The following PDE10A variants were observed in gnomAD, a reference collection of about 807,000 sequenced individuals.
PDE10A encodes phosphodiesterase 10A, also known as cAMP and cAMP-inhibited cGMP 3',5'-cyclic phosphodiesterase 10A.
In PDE10A, 39 loss-of-function variants were observed where a neutral mutation model predicts 97.7. The ratio of observed to expected loss-of-function variants is 0.40; its 90% confidence interval spans 0.31 to 0.52. PDE10A has a LOEUF of 0.52. Ranked by LOEUF, PDE10A falls within the 20% of genes least tolerant of loss-of-function variation. The probability of loss-of-function intolerance (pLI) is 0.56; values close to 1 mark genes in which losing one functional copy is unlikely to be tolerated. For missense variants in PDE10A, 731 were observed against 1,047.8 expected (o/e 0.70, Z 4.17); for synonymous variants, 371 against 376.8 (o/e 0.98, Z 0.18).
At chr6:165,643,013 T>TG (rs1188541019) in intron 1 of PDE10A, among the ~76,000 whole-genome samples, 2 of 152,220 alleles carry the variant, frequency 1.3e-5, no homozygotes, top group Non-Finnish European at 2.9e-5. Context: ...ACAACCTTCC[T>TG]GGAAAGCCAT....
At chr6:165,707,260 G>T (rs1299487489) in intron 1 of PDE10A, among the ~76,000 whole-genome samples, 1 of 152,192 alleles carries the variant, frequency 6.6e-6, no homozygotes, top group African/African-American at 2.4e-5. Context: ...GGTCCCCAGG[G>T]GATGGGTGGC....
intron 1 of PDE10A, among the ~76,000 whole-genome samples, chr6:165,550,362 T>A (rs755840911): frequency 2.0e-5 from 3 of 152,220 alleles, no homozygotes; most frequent in African/African-American, 2.4e-5. Context: ...CTTCTGTGTT[T>A]AGCCCAGATA....
At chr6:165,424,181 T>C (rs987210326) in intron 10 of PDE10A, among the ~76,000 whole-genome samples, 1 of 152,122 alleles carries the variant, frequency 6.6e-6, no homozygotes, top group African/African-American at 2.4e-5. Context: ...CAGGAAAGCT[T>C]GCCACAGCCT....
At chr6:165,843,065 C>T (rs557472639) in intron 1 of PDE10A, among the ~76,000 whole-genome samples, 2 of 152,336 alleles carry the variant, frequency 1.3e-5, no homozygotes, top group African/African-American at 2.4e-5. Context: ...TGTGAGGCCC[C>T]GCTGTGCTCA....
chr6:165,353,658 C>G (rs1782841662), intron 18 of PDE10A, among the ~76,000 whole-genome samples: 1 of 152,148 alleles, frequency 6.6e-6, no homozygotes, highest in Non-Finnish European at 1.5e-5. Flanking sequence ...ATGATTCCAA[C>G]TATATGACAT....
At chr6:165,635,472 A>AGT (rs60572651) in intron 1 of PDE10A, among the ~76,000 whole-genome samples, 35,151 of 150,998 alleles carry the variant, frequency 0.23, 5,095 homozygotes, top group East Asian at 0.38. Context: ...GTGGGGTGTG[A>AGT]GTGTGTGTGT....
chr6:165,363,340 C>T (rs921853688), intron 18 of PDE10A, among the ~76,000 whole-genome samples: 4 of 148,640 alleles, frequency 2.7e-5, no homozygotes, highest in Non-Finnish European at 6.1e-5. Flanking sequence ...GATGGTGAAA[C>T]CCCGTCTCTA....
intron 1 of PDE10A, among the ~76,000 whole-genome samples, chr6:165,725,388 G>T (rs4709976): frequency 0.04 from 6,147 of 152,242 alleles, 308 homozygotes; most frequent in East Asian, 0.22. Flanking sequence ...AACCCTAGAG[G>T]GTGCCATGGG....
At chr6:165,560,179 T>A (rs1784451216) in intron 1 of PDE10A, among the ~76,000 whole-genome samples, 1 of 152,094 alleles carries the variant, frequency 6.6e-6, no homozygotes, top group Non-Finnish European at 1.5e-5. Flanking sequence ...AGAGCAGATA[T>A]TTTTTTTCTG....
At chr6:165,673,989 A>T (rs1463911676) in intron 1 of PDE10A, among the ~76,000 whole-genome samples, 5 of 42,418 alleles carry the variant, frequency 1.2e-4, no homozygotes. Context: ...AAAATTTTTT[A>T]AAGTGTTTCC....
intron 1 of PDE10A, among the ~76,000 whole-genome samples, chr6:165,886,322 T>TG (rs1781632275): frequency 6.7e-6 from 1 of 150,118 alleles, no homozygotes; most frequent in African/African-American, 2.5e-5. Context: ...CCTGGAATAC[T>TG]GGAGCCCTGG....
At chr6:165,467,328 C>T (rs140969385) in intron 3 of PDE10A, among the ~76,000 whole-genome samples, 169 of 152,246 alleles carry the variant, frequency 1.1e-3, no homozygotes, top group African/African-American at 3.5e-3. Flanking sequence ...TCAAAGCAGA[C>T]GAAACATTCT....
chr6:165,775,291 A>G (rs11754057), intron 1 of PDE10A: 59,349 of 152,110 alleles, frequency 0.39, 11,696 homozygotes, highest in Admixed American at 0.46. Flanking sequence ...ATTGTGGAGC[A>G]GATGCCAGGT....
At chr6:165,471,955 T>C (rs1053864401) in intron 3 of PDE10A, among the ~76,000 whole-genome samples, 6 of 152,132 alleles carry the variant, frequency 3.9e-5, no homozygotes, top group African/African-American at 1.4e-4. Context: ...TTCTCTTTTG[T>C]TTAATACACT....
At chr6:165,624,062 A>G (rs1335831021) in intron 1 of PDE10A, among the ~76,000 whole-genome samples, 1 of 152,230 alleles carries the variant, frequency 6.6e-6, no homozygotes, top group African/African-American at 2.4e-5. Context: ...TCTGTCATTC[A>G]TTCAGTCTGG....
At chr6:165,377,083 G>T (rs1464651905) in intron 18 of PDE10A, among the ~76,000 whole-genome samples, 1 of 152,050 alleles carries the variant, frequency 6.6e-6, no homozygotes, top group African/African-American at 2.4e-5. Context: ...AAGCAACAAA[G>T]CATTTTTAAA....
chr6:165,507,897 A>G (rs1051122323), intron 2 of PDE10A, among the ~76,000 whole-genome samples: 1 of 152,102 alleles, frequency 6.6e-6, no homozygotes, highest in Non-Finnish European at 1.5e-5. Context: ...TGTTTTCTTA[A>G]GACTTCAAAT....
intron 20 of PDE10A, among the ~76,000 whole-genome samples, chr6:165,339,042 A>G (rs1039459548): frequency 6.6e-5 from 10 of 152,230 alleles, no homozygotes; most frequent in Admixed American, 3.9e-4. Flanking sequence ...TGAGTGTCTT[A>G]GCAAGTGAAG....
At chr6:165,428,541 C>A in intron 10 of PDE10A, 117 bp downstream of exon 10, 2 of 604,516 alleles carry the variant, frequency 3.3e-6, no homozygotes, top group Non-Finnish European at 5.9e-6. Flanking sequence ...CCTAAGCCAC[C>A]ACATTTTCAT....
Sources: allele counts gnomAD v4.1 joint callset (sites outside exome capture counted in the v4.1 genomes callset), GRCh38; gene constraint gnomAD v4.1.1; transcripts MANE v1.5; gene names NCBI Gene and HGNC (gene_info 2026-07-23, HGNC 2026-07-21).